Variants in OR10J1 observed in about 807,000 individuals in gnomAD.
OR10J1 encodes olfactory receptor family 10 subfamily J member 1, also known as olfactory receptor 10J1.
For synonymous variants in OR10J1, 202 were observed against 143.8 expected (o/e 1.40, Z -2.89); for missense variants, 474 against 376.6 (o/e 1.26, Z -2.14).
the OR10J1 span, among the ~76,000 whole-genome samples, chr1:159,421,193 A>C: frequency 6.6e-6 from 1 of 152,108 alleles, no homozygotes; most frequent in Non-Finnish European, 1.5e-5. Context: ...TGAAGATTTC[A>C]AATGTATTTT....
the OR10J1 span, among the ~76,000 whole-genome samples, chr1:159,427,088 T>C: frequency 3.3e-4 from 50 of 151,852 alleles, no homozygotes; most frequent in African/African-American, 1.2e-3. Flanking sequence ...TCTCTTAACA[T>C]AAGCATTTAA....
the OR10J1 span, chr1:159,405,570 C>A: frequency 2.7e-6 from 1 of 374,482 alleles, no homozygotes; most frequent in East Asian, 5.7e-5. Context: ...TGTTCTGCCC[C>A]AGGAAACTCT....
At chr1:159,416,861 T>C in the OR10J1 span, among the ~76,000 whole-genome samples, 1 of 151,994 alleles carries the variant, frequency 6.6e-6, no homozygotes, top group Admixed American at 6.6e-5. Context: ...TTCCTATTTG[T>C]TAGTGTGTAT....
the OR10J1 span, among the ~76,000 whole-genome samples, chr1:159,418,858 T>C: frequency 6.6e-6 from 1 of 152,218 alleles, no homozygotes; most frequent in Non-Finnish European, 1.5e-5. Flanking sequence ...CCCAAGATCA[T>C]GGGAACCCAC....
chr1:159,426,206 T>A, the OR10J1 span, among the ~76,000 whole-genome samples: 1 of 151,856 alleles, frequency 6.6e-6, no homozygotes, highest in Non-Finnish European at 1.5e-5. Flanking sequence ...TATTCAAAAA[T>A]TTATTTAATT....
chr1:159,402,935 A>G, the OR10J1 span, among the ~76,000 whole-genome samples: 7 of 152,140 alleles, frequency 4.6e-5, no homozygotes, highest in African/African-American at 1.2e-4. Context: ...TGAACAGAAT[A>G]GAGAACCCAC....
chr1:159,411,939 C>T, the OR10J1 span, among the ~76,000 whole-genome samples: 2 of 152,020 alleles, frequency 1.3e-5, no homozygotes, highest in Non-Finnish European at 2.9e-5. Flanking sequence ...TAGAAAACCC[C>T]ATTCTCTCAG....
chr1:159,428,669 C>T, the OR10J1 span, among the ~76,000 whole-genome samples: 14 of 152,098 alleles, frequency 9.2e-5, no homozygotes, highest in Non-Finnish European at 1.6e-4. Context: ...ATAAATATGC[C>T]GTAAATTCAT....
the OR10J1 span, chr1:159,432,456 G>C: frequency 2.4e-6 from 1 of 410,456 alleles, no homozygotes; most frequent in East Asian, 3.5e-5. Context: ...AATGCTGTCC[G>C]GTCTCCTCAG....
the OR10J1 span, among the ~76,000 whole-genome samples, chr1:159,408,148 A>G: frequency 6.6e-6 from 1 of 152,058 alleles, no homozygotes; most frequent in Non-Finnish European, 1.5e-5. Flanking sequence ...CAGCATGAGA[A>G]TCTCTGTAGC....
upstream of OR10J1, among the ~76,000 whole-genome samples, chr1:159,433,554 C>T (rs186447541): frequency 2.8e-4 from 42 of 152,226 alleles, no homozygotes; most frequent in Non-Finnish European, 5.4e-4. Flanking sequence ...CACCACCACC[C>T]CTTGTCTGAA....
At chr1:159,423,576 G>A in the OR10J1 span, among the ~76,000 whole-genome samples, 2 of 152,304 alleles carry the variant, frequency 1.3e-5, no homozygotes, top group Admixed American at 1.3e-4. Context: ...AAATACTGCA[G>A]ATTTACATTT....
At chr1:159,427,795 G>A in the OR10J1 span, among the ~76,000 whole-genome samples, 1 of 151,972 alleles carries the variant, frequency 6.6e-6, no homozygotes, top group East Asian at 1.9e-4. Flanking sequence ...GATAATTATC[G>A]GCCAATAATG....
chr1:159,400,248 G>A, the OR10J1 span, among the ~76,000 whole-genome samples: 2 of 151,892 alleles, frequency 1.3e-5, no homozygotes, highest in South Asian at 2.1e-4. Context: ...CATTGAATGC[G>A]AATGGACTAA....
At chr1:159,419,499 TC>T in the OR10J1 span, among the ~76,000 whole-genome samples, 1 of 152,218 alleles carries the variant, frequency 6.6e-6, no homozygotes, top group South Asian at 2.1e-4. Context: ...TTGTGAGGCC[TC>T]CCCAGCCACA....
chr1:159,432,750 C>T, the OR10J1 span: 12 of 401,822 alleles, frequency 3.0e-5, no homozygotes, highest in Admixed American at 4.4e-5. Context: ...TTGTGATATC[C>T]GGCCCATAAT....
At chr1:159,401,848 A>G in the OR10J1 span, among the ~76,000 whole-genome samples, 7 of 152,090 alleles carry the variant, frequency 4.6e-5, no homozygotes, top group Admixed American at 2.6e-4. Context: ...AATCCTCAAC[A>G]AAATACTAGC....
the OR10J1 span, among the ~76,000 whole-genome samples, chr1:159,417,273 C>A: frequency 6.6e-6 from 1 of 151,980 alleles, no homozygotes. Context: ...CATTTTATTT[C>A]TTTCAATAAA....
upstream of OR10J1, among the ~76,000 whole-genome samples, chr1:159,435,435 T>C (rs1335628920): frequency 6.6e-6 from 1 of 152,236 alleles, no homozygotes; most frequent in African/African-American, 2.4e-5. Context: ...CACCAATTAC[T>C]AATTCATAGT....
Sources: allele counts gnomAD v4.1 joint callset (sites outside exome capture counted in the v4.1 genomes callset), GRCh38; gene constraint gnomAD v4.1.1; transcripts MANE v1.5; gene names NCBI Gene and HGNC (gene_info 2026-07-23, HGNC 2026-07-21).